The following NUDCD1 variants were observed in gnomAD, a reference collection of about 807,000 sequenced individuals.
NUDCD1 encodes nudC domain-containing protein 1.
NUDCD1 carries 60 observed loss-of-function variants against 67.8 expected under a neutral mutation model. The observed-to-expected ratio is 0.88, with a 90% CI of 0.72 to 1.10. NUDCD1 has a LOEUF of 1.10. NUDCD1 is among the 50% of genes least tolerant of loss of function. The probability of loss-of-function intolerance (pLI) is 0.00; values close to 1 mark genes in which losing one functional copy is unlikely to be tolerated. For synonymous variants in NUDCD1, 244 were observed against 230.8 expected, an observed-to-expected ratio of 1.06 and a Z score of -0.52; for missense variants, 643 against 695.0, an observed-to-expected ratio of 0.93 and a Z score of 0.84.
At chr8:109,316,128 C>G (rs73700853) in intron 2 of NUDCD1, 1,682 of 152,184 alleles carry the variant, frequency 0.011, 27 homozygotes, top group African/African-American at 0.038. Context: ...AGAAACGGAA[C>G]ACATTACTTT....
chr8:109,279,269 C>T (rs1026503334), intron 6 of NUDCD1, among the ~76,000 whole-genome samples: 1 of 152,132 alleles, frequency 6.6e-6, no homozygotes, highest in Non-Finnish European at 1.5e-5. Flanking sequence ...TGCCCCACAT[C>T]CTTGCCAACG....
chr8:109,292,927 T>C (rs574532495), intron 4 of NUDCD1, among the ~76,000 whole-genome samples: 7 of 152,070 alleles, frequency 4.6e-5, no homozygotes, highest in Non-Finnish European at 2.9e-5. Context: ...TGTACTTTAA[T>C]GAAATAAAGA....
intron 2 of NUDCD1, chr8:109,313,752 T>C (rs1355621438): frequency 7.8e-6 from 4 of 510,858 alleles, no homozygotes; most frequent in East Asian, 1.4e-4. Context: ...TATTCTTCAT[T>C]TTATACACAA....
At chr8:109,281,978 C>G (rs779653083) in intron 5 of NUDCD1, among the ~76,000 whole-genome samples, 1 of 152,162 alleles carries the variant, frequency 6.6e-6, no homozygotes, top group African/African-American at 2.4e-5. Flanking sequence ...CTGGAGCTCT[C>G]CTAGATTAGG....
In NUDCD1 at chr8:109,243,279, T is replaced by C. The variant is rs1323960080; in HGVS notation, c.1482A>G (p.Arg494=). The C allele has an allele frequency of 6.2e-7, 1 of 1,600,024 alleles. No homozygotes were observed. Among genetic ancestry groups the C allele is most frequent in the African/African-American group, 1.3e-5 (1 of 74,758 alleles). The change falls in exon 10 of 10, where the codon AGA becomes AGG. Residue 494 remains arginine, a synonymous_variant. Coordinates refer to ENST00000239690, the MANE Select transcript of NUDCD1 (RefSeq NM_032869.4). ...GAGCACAGGCAAAAAATTTTTTGTCTCTCTTTGATGCTTGGACATAGCCTG... is the reference window on the plus strand; with the variant it reads ...GAGCACAGGCAAAAAATTTTTTGTCCCTCTTTGATGCTTGGACATAGCCTG... ...NALGYVQASK[R]DKKFFACAPN...
At chr8:109,302,137 A>G (rs1262138746) in intron 2 of NUDCD1, among the ~76,000 whole-genome samples, 2 of 151,850 alleles carry the variant, frequency 1.3e-5, no homozygotes, top group Middle Eastern at 3.4e-3. Context: ...AATCTCTTCA[A>G]CTCACACCTG....
At chr8:109,325,733 C>T (rs1815667881) in intron 1 of NUDCD1, among the ~76,000 whole-genome samples, 1 of 152,130 alleles carries the variant, frequency 6.6e-6, no homozygotes, top group Non-Finnish European at 1.5e-5. Context: ...TTTTTGTTGA[C>T]AAATTCAATT....
At chr8:109,318,206 C>T (rs7013136) in intron 2 of NUDCD1, among the ~76,000 whole-genome samples, 1,887 of 152,148 alleles carry the variant, frequency 0.012, 36 homozygotes, top group African/African-American at 0.043. Context: ...TTACATGTGC[C>T]ACAAGATATC....
chr8:109,289,434 C>T (rs1814650078), intron 5 of NUDCD1, among the ~76,000 whole-genome samples: 1 of 152,138 alleles, frequency 6.6e-6, no homozygotes, highest in South Asian at 2.1e-4. Flanking sequence ...CAATATTACA[C>T]TATTAATACC....
At chr8:109,319,613 G>T (rs1815483943) in intron 2 of NUDCD1, among the ~76,000 whole-genome samples, 1 of 152,138 alleles carries the variant, frequency 6.6e-6, no homozygotes, top group African/African-American at 2.4e-5. Context: ...TATGCTCCAG[G>T]TAGTTAATCA....
At chr8:109,274,188 C>G (rs1563667478) in intron 7 of NUDCD1, among the ~76,000 whole-genome samples, 1 of 152,138 alleles carries the variant, frequency 6.6e-6, no homozygotes, top group Non-Finnish European at 1.5e-5. Context: ...GTGGAGTAGA[C>G]ATTCTAACCA....
chr8:109,283,262 A>T (rs1345877877), intron 5 of NUDCD1, among the ~76,000 whole-genome samples: 3 of 152,190 alleles, frequency 2.0e-5, no homozygotes, highest in East Asian at 1.9e-4. Flanking sequence ...AAAGAATTTT[A>T]AAAAAATGAA....
chr8:109,298,954 GGAAA>G (rs1814911716), intron 2 of NUDCD1: 2 of 152,414 alleles, frequency 1.3e-5, no homozygotes, highest in South Asian at 4.1e-4. Flanking sequence ...TGTGGAAGTA[GGAAA>G]GAGAGACCCC....
chr8:109,294,293 T>A (rs565522523), intron 3 of NUDCD1, among the ~76,000 whole-genome samples: 139 of 152,204 alleles, frequency 9.1e-4, no homozygotes, highest in Non-Finnish European at 1.8e-3. Context: ...TACTTCTACT[T>A]GAAAACCTTA....
At chr8:109,251,467 G>T (rs991620387) in intron 8 of NUDCD1, among the ~76,000 whole-genome samples, 3 of 151,974 alleles carry the variant, frequency 2.0e-5, no homozygotes, top group African/African-American at 7.3e-5. Flanking sequence ...CACCGTGTCT[G>T]GCCAGGTCTC....
At chr8:109,282,532 T>C (rs988494115) in intron 5 of NUDCD1, among the ~76,000 whole-genome samples, 5 of 152,114 alleles carry the variant, frequency 3.3e-5, no homozygotes, top group Non-Finnish European at 7.4e-5. Flanking sequence ...AAATCCTATC[T>C]GCACAAAAAT....
chr8:109,320,834 C>T (rs1815516911), intron 2 of NUDCD1, among the ~76,000 whole-genome samples: 1 of 152,158 alleles, frequency 6.6e-6, no homozygotes, highest in South Asian at 2.1e-4. Context: ...CAGCTGGTCC[C>T]TCCATTTGGG....
rs187574796 is a variant in NUDCD1 at position 109,302,360 on chromosome 8, A to G, written c.274-5791T>C. 2.6e-5 allele frequency among the ~76,000 whole-genome samples: 4 copies of G among 152,022 alleles called. No homozygotes were observed. The East Asian group carries it at 5.8e-4, about 22-fold the overall frequency. Reference sequence around the variant, plus strand: ...GGTCCCTTCCTAATCTCTGCTCCCAATGAGACTCATCCCAAATCTTTCTTC... The same window carrying G: ...GGTCCCTTCCTAATCTCTGCTCCCAGTGAGACTCATCCCAAATCTTTCTTC... On this transcript the variant is annotated intron_variant, in intron 2 of 9. Coordinates refer to ENST00000239690, the MANE Select transcript of NUDCD1 (RefSeq NM_032869.4).
intron 8 of NUDCD1, among the ~76,000 whole-genome samples, chr8:109,263,003 C>T (rs939273395): frequency 1.5e-5 from 2 of 131,572 alleles, no homozygotes; most frequent in Non-Finnish European, 3.1e-5. Flanking sequence ...TGCAGTGAGC[C>T]GAGATCGTGC....
Sources: allele counts gnomAD v4.1 joint callset (sites outside exome capture counted in the v4.1 genomes callset), GRCh38; gene constraint gnomAD v4.1.1; transcripts MANE v1.5; gene names NCBI Gene and HGNC (gene_info 2026-07-23, HGNC 2026-07-21).